DCLK1: variants seen among roughly 807,000 people sequenced by gnomAD.
The protein encoded by DCLK1 is serine/threonine-protein kinase DCLK1.
DCLK1 carries 16 observed loss-of-function variants against 86.2 expected under a neutral mutation model. The ratio of observed to expected loss-of-function variants is 0.19; its 90% CI spans 0.13 to 0.28. DCLK1 has a LOEUF of 0.28. DCLK1 is among the 10% of genes least tolerant of loss of function. The probability of loss-of-function intolerance (pLI) is 1.00; values close to 1 mark genes in which losing one functional copy is unlikely to be tolerated. For missense variants in DCLK1, 590 were observed against 940.2 expected (o/e 0.63, Z 4.87); for synonymous variants, 369 against 370.5 (o/e 1.00, Z 0.05).
chr13:35,816,510 TAC>T (rs1303575068), intron 11 of DCLK1, among the ~76,000 whole-genome samples: 1 of 152,182 alleles, frequency 6.6e-6, no homozygotes, highest in African/African-American at 2.4e-5. Context: ...ACACAGGACA[TAC>T]CAGGCATTGT....
chr13:35,827,550 TG>T (rs778057110), intron 10 of DCLK1, 84 bp downstream of exon 10: 16 of 1,503,308 alleles, frequency 1.1e-5, no homozygotes, highest in African/African-American at 2.8e-5. Context: ...TGAATACTGA[TG>T]GGAGAAAATA....
intron 11 of DCLK1, among the ~76,000 whole-genome samples, chr13:35,819,732 A>G (rs550208612): frequency 3.9e-5 from 6 of 152,234 alleles, no homozygotes; most frequent in Non-Finnish European, 5.9e-5. Context: ...TTTTGCCATG[A>G]GGTGGCAAAT....
At chr13:35,840,477 C>T (rs1030734889) in intron 6 of DCLK1, among the ~76,000 whole-genome samples, 8 of 152,140 alleles carry the variant, frequency 5.3e-5, no homozygotes, top group Admixed American at 5.2e-4. Context: ...CAGTTGACAC[C>T]ATTGGGATGA....
intron 4 of DCLK1, among the ~76,000 whole-genome samples, chr13:35,881,217 A>G (rs1235579084): frequency 2.6e-5 from 4 of 152,212 alleles, no homozygotes; most frequent in Non-Finnish European, 5.9e-5. Context: ...CAGGAAGCCA[A>G]ACAATAACCC....
At chr13:35,839,509 C>T (rs920640156) in intron 6 of DCLK1, among the ~76,000 whole-genome samples, 2 of 152,182 alleles carry the variant, frequency 1.3e-5, no homozygotes, top group Admixed American at 6.5e-5. Context: ...CACTCTTCCA[C>T]AGACTATCGG....
chr13:36,078,977 A>G (rs1406150122), intron 3 of DCLK1, among the ~76,000 whole-genome samples: 1 of 152,168 alleles, frequency 6.6e-6, no homozygotes, highest in Non-Finnish European at 1.5e-5. Flanking sequence ...ATACTCAGAA[A>G]AGGAGCTCTG....
At chr13:35,838,996 G>T in intron 7 of DCLK1, 96 bp downstream of exon 7, 1 of 1,151,090 alleles carries the variant, frequency 8.7e-7, no homozygotes, top group Non-Finnish European at 1.3e-6. Flanking sequence ...GCTCAGCCTT[G>T]TCCATGTCAT....
intron 5 of DCLK1, among the ~76,000 whole-genome samples, chr13:35,867,834 T>C (rs968132920): frequency 1.8e-5 from 2 of 109,814 alleles, no homozygotes; most frequent in Admixed American, 1.1e-4. Context: ...CCCATCTTTA[T>C]TGACTTAAAG....
At chr13:35,785,752 T>C (rs1285023180) in intron 16 of DCLK1, among the ~76,000 whole-genome samples, 4 of 152,098 alleles carry the variant, frequency 2.6e-5, no homozygotes, top group Non-Finnish European at 4.4e-5. Flanking sequence ...AACACAACAA[T>C]TGGGAGCAGG....
intron 4 of DCLK1, among the ~76,000 whole-genome samples, chr13:35,905,572 T>C (rs900021584): frequency 6.6e-5 from 10 of 152,154 alleles, no homozygotes; most frequent in African/African-American, 2.4e-4. Flanking sequence ...GACTTCAAAA[T>C]CCTCTGGCTC....
intron 5 of DCLK1, among the ~76,000 whole-genome samples, chr13:35,867,367 A>C (rs1871871345): frequency 6.6e-6 from 1 of 152,226 alleles, no homozygotes. Context: ...TTTTTCAAGA[A>C]CATATTAATT....
intron 8 of DCLK1, among the ~76,000 whole-genome samples, chr13:35,831,947 G>A (rs1868997284): frequency 6.6e-6 from 1 of 152,118 alleles, no homozygotes; most frequent in African/African-American, 2.4e-5. Context: ...ACTCAGGCCA[G>A]TCTTCTGCCC....
At chr13:35,855,598 G>A (rs1245551084) in intron 5 of DCLK1, 6 of 1,556,764 alleles carry the variant, frequency 3.9e-6, no homozygotes, top group African/African-American at 2.7e-5. Flanking sequence ...CCAAGCACCC[G>A]CGGAAATGGG....
intron 4 of DCLK1, among the ~76,000 whole-genome samples, chr13:35,899,571 C>G (rs891414012): frequency 6.6e-6 from 1 of 151,994 alleles, no homozygotes; most frequent in African/African-American, 2.4e-5. Context: ...GACTGCTTAC[C>G]CTATCCATAT....
chr13:36,014,002 C>G (rs1005088493), intron 3 of DCLK1, among the ~76,000 whole-genome samples: 1 of 152,170 alleles, frequency 6.6e-6, no homozygotes, highest in East Asian at 1.9e-4. Context: ...TTCTTTGACT[C>G]GGAAAGGGAA....
At chr13:35,822,694 A>T in intron 11 of DCLK1, 35 bp downstream of exon 11, 1 of 1,613,120 alleles carries the variant, frequency 6.2e-7, no homozygotes, top group Non-Finnish European at 8.5e-7. Flanking sequence ...GAGTGCTTGG[A>T]ACTCAGGATG....
chr13:35,909,065 G>T (rs1309255796), intron 4 of DCLK1, among the ~76,000 whole-genome samples: 1 of 152,186 alleles, frequency 6.6e-6, no homozygotes, highest in South Asian at 2.1e-4. Context: ...GCAGAGACAG[G>T]CTCCTAATTA....
At chr13:35,870,451 C>T (rs941080770) in intron 5 of DCLK1, among the ~76,000 whole-genome samples, 17 of 152,122 alleles carry the variant, frequency 1.1e-4, no homozygotes, top group Non-Finnish European at 2.4e-4. Context: ...CAAGTAGGCC[C>T]CAGAGGTCTT....
chr13:35,793,613 C>T (rs2086747623), intron 15 of DCLK1, 134 bp from the exon 16 acceptor site: 1 of 591,012 alleles, frequency 1.7e-6, no homozygotes, highest in East Asian at 2.9e-5. Context: ...CCAATGTCTA[C>T]TCATTAAACA....
Sources: allele counts gnomAD v4.1 joint callset (sites outside exome capture counted in the v4.1 genomes callset), GRCh38; gene constraint gnomAD v4.1.1; transcripts MANE v1.5; gene names NCBI Gene and HGNC (gene_info 2026-07-23, HGNC 2026-07-21).